The following GRM7 variants were observed in gnomAD, a reference collection of about 807,000 sequenced individuals.
GRM7 encodes metabotropic glutamate receptor 7.
GRM7 carries 35 observed loss-of-function variants against 84.5 expected under a neutral mutation model. The observed-to-expected ratio is 0.41, with a 90% CI of 0.32 to 0.55. The LOEUF (loss-of-function observed/expected upper bound fraction) is 0.55, where lower values mean the gene tolerates loss of function less well. GRM7 is among the 20% of genes least tolerant of loss of function. GRM7 has a pLI of 0.19. For missense variants in GRM7, 1,003 were observed against 1,194.6 expected (o/e 0.84, Z 2.36); for synonymous variants, 487 against 455.1 (o/e 1.07, Z -0.89).
intron 1 of GRM7, among the ~76,000 whole-genome samples, chr3:6,973,529 C>T (rs908198661): frequency 2.0e-5 from 3 of 152,090 alleles, no homozygotes; most frequent in Admixed American, 6.5e-5. Context: ...TATACTATAT[C>T]AAGTGATGAT....
At chr3:7,066,429 A>G (rs1417059537) in intron 1 of GRM7, among the ~76,000 whole-genome samples, 2 of 151,954 alleles carry the variant, frequency 1.3e-5, no homozygotes, top group African/African-American at 4.8e-5. Context: ...CCTAGAGGAG[A>G]TGGATGAATT....
chr3:6,880,937 T>G (rs1394172432), intron 1 of GRM7, among the ~76,000 whole-genome samples: 1 of 152,164 alleles, frequency 6.6e-6, no homozygotes, highest in Non-Finnish European at 1.5e-5. Context: ...TTATTATAAT[T>G]TATTATAAGT....
chr3:7,506,532 CTT>C (rs1437813094), intron 7 of GRM7, among the ~76,000 whole-genome samples: 2 of 152,100 alleles, frequency 1.3e-5, no homozygotes, highest in African/African-American at 4.8e-5. Flanking sequence ...AATTTTCTGT[CTT>C]AATTTGTTTT....
At position 7,695,462 on chromosome 3, in the gene GRM7, T is replaced by TATG. The variant is rs539075412; in HGVS notation, c.2698+15170_2698+15172dup. On this transcript the variant is annotated intron_variant, in intron 9 of 9. Coordinates refer to ENST00000357716, the MANE Select transcript of GRM7 (RefSeq NM_000844.4). ...TTAGCCCTGAAGTCCTCAAAGAGATTATGATTTTTAAATCTTCATTTATGC... is the reference window on the plus strand; with the variant it reads ...TTAGCCCTGAAGTCCTCAAAGAGATTATGATGATTTTTAAATCTTCATTTATGC... Among the ~76,000 whole-genome samples the TATG allele has an allele frequency of 9.5e-4, 145 of 152,320 alleles. 2 individuals are homozygous for TATG. In the South Asian group the frequency reaches 0.027, roughly 29 times the overall value.
At chr3:7,030,361 C>G (rs1029167710) in intron 1 of GRM7, among the ~76,000 whole-genome samples, 1 of 152,094 alleles carries the variant, frequency 6.6e-6, no homozygotes, top group Non-Finnish European at 1.5e-5. Flanking sequence ...CAAAGAGCCC[C>G]TAGACACTTT....
At chr3:7,553,369 C>G (rs938927547) in intron 7 of GRM7, among the ~76,000 whole-genome samples, 1 of 152,202 alleles carries the variant, frequency 6.6e-6, no homozygotes, top group African/African-American at 2.4e-5. Context: ...CCTGAGCCCT[C>G]CAAACTGTTC....
At chr3:7,593,207 T>G (rs888548454) in intron 8 of GRM7, among the ~76,000 whole-genome samples, 3 of 152,186 alleles carry the variant, frequency 2.0e-5, no homozygotes, top group African/African-American at 7.2e-5. Flanking sequence ...TAAAGTACAG[T>G]TTTATCAGGT....
intron 1 of GRM7, among the ~76,000 whole-genome samples, chr3:6,918,940 G>T (rs1378605440): frequency 1.3e-5 from 2 of 152,172 alleles, no homozygotes; most frequent in African/African-American, 4.8e-5. Flanking sequence ...CATATGGGAT[G>T]TGACACAGGA....
intron 7 of GRM7, among the ~76,000 whole-genome samples, chr3:7,468,616 C>T (rs184547742): frequency 1.2e-4 from 19 of 152,282 alleles, no homozygotes; most frequent in African/African-American, 4.6e-4. Context: ...TTTGCCTGTG[C>T]CCCCACCCAA....
intron 5 of GRM7, among the ~76,000 whole-genome samples, chr3:7,442,899 C>T (rs978511716): frequency 2.6e-5 from 4 of 152,056 alleles, no homozygotes; most frequent in Non-Finnish European, 5.9e-5. Context: ...AGTAGAGTGT[C>T]TCTGTCTGGT....
chr3:7,223,774 G>A (rs149414636), intron 2 of GRM7, among the ~76,000 whole-genome samples: 1 of 152,262 alleles, frequency 6.6e-6, no homozygotes, highest in Non-Finnish European at 1.5e-5. Flanking sequence ...AATAGAAATA[G>A]GTATGGGCAG....
intron 4 of GRM7, among the ~76,000 whole-genome samples, chr3:7,387,017 T>C (rs1694811828): frequency 6.6e-6 from 1 of 152,192 alleles, no homozygotes; most frequent in East Asian, 1.9e-4. Flanking sequence ...ATCTAATGAT[T>C]ACTGATTTTG....
intron 8 of GRM7, among the ~76,000 whole-genome samples, chr3:7,626,015 A>C (rs1467083029): frequency 6.6e-6 from 1 of 152,168 alleles, no homozygotes; most frequent in Non-Finnish European, 1.5e-5. Flanking sequence ...GCTGTTTCAA[A>C]AACATGGGAG....
At chr3:6,986,874 A>T (rs1694431644) in intron 1 of GRM7, among the ~76,000 whole-genome samples, 2 of 152,180 alleles carry the variant, frequency 1.3e-5, no homozygotes, top group Admixed American at 1.3e-4. Context: ...GAATCTGGTC[A>T]TCTCTATACC....
At chr3:7,687,660 C>T (rs1700636187) in intron 9 of GRM7, among the ~76,000 whole-genome samples, 1 of 152,102 alleles carries the variant, frequency 6.6e-6, no homozygotes, top group Non-Finnish European at 1.5e-5. Flanking sequence ...ATGATGTAGA[C>T]TGGCCTTTCT....
intron 7 of GRM7, among the ~76,000 whole-genome samples, chr3:7,546,395 G>A (rs2125020471): frequency 6.6e-6 from 1 of 152,328 alleles, no homozygotes; most frequent in African/African-American, 2.4e-5. Flanking sequence ...CTAGTTTCAG[G>A]AAGTCTCTGG....
At chr3:7,712,912 C>T (rs1225243646) in intron 9 of GRM7, among the ~76,000 whole-genome samples, 2 of 152,024 alleles carry the variant, frequency 1.3e-5, no homozygotes, top group African/African-American at 4.8e-5. Flanking sequence ...CTCCATCATT[C>T]CCATCTCTGC....
At chr3:7,308,731 A>G (rs1700284756) in intron 4 of GRM7, among the ~76,000 whole-genome samples, 1 of 152,130 alleles carries the variant, frequency 6.6e-6, no homozygotes, top group African/African-American at 2.4e-5. Flanking sequence ...GGTGAGATTC[A>G]AGGAAAACGA....
At chr3:7,195,154 G>T (rs1414540639) in intron 2 of GRM7, among the ~76,000 whole-genome samples, 1 of 152,132 alleles carries the variant, frequency 6.6e-6, no homozygotes, top group Admixed American at 6.6e-5. Context: ...CCCCAATATT[G>T]TTCATGCTAT....
Sources: allele counts gnomAD v4.1 joint callset (sites outside exome capture counted in the v4.1 genomes callset), GRCh38; gene constraint gnomAD v4.1.1; transcripts MANE v1.5; gene names NCBI Gene and HGNC (gene_info 2026-07-23, HGNC 2026-07-21).